Variants in CRLF3 observed in about 807,000 individuals in gnomAD.
CRLF3 encodes cytokine receptor-like factor 3.
In CRLF3, 33 loss-of-function variants were observed where a neutral mutation model predicts 55.0. The observed-to-expected ratio is 0.60, with a 90% CI of 0.46 to 0.80. The LOEUF (loss-of-function observed/expected upper bound fraction) is 0.80. Ranked by LOEUF, CRLF3 falls within the 30% of genes least tolerant of loss-of-function variation. The pLI is 0.00. For synonymous variants in CRLF3, 238 were observed against 196.8 expected (o/e 1.21, Z -1.75); for missense variants, 494 against 538.4 (o/e 0.92, Z 0.82).
rs755565448 is a variant in CRLF3 at position 30,824,512 on chromosome 17, G to A, written c.129+11C>T. On this transcript the variant is annotated intron_variant, in intron 1 of 7. Transcript: ENST00000324238. ...GGGCCCACAGCGCCCCTGTGGGTGTGGCCCTCCGACCTGCCTCCGCGCCTC... is the reference window on the plus strand; with the variant it reads ...GGGCCCACAGCGCCCCTGTGGGTGTAGCCCTCCGACCTGCCTCCGCGCCTC... 2.5e-6 allele frequency: 4 copies of A among 1,581,966 alleles called. No individual in the cohort carries two copies. Among genetic ancestry groups the A allele is most frequent in the Non-Finnish European group, 3.4e-6 (4 of 1,170,060 alleles).
intron 3 of CRLF3, among the ~76,000 whole-genome samples, chr17:30,796,741 T>C (rs971151720): frequency 7.9e-5 from 12 of 151,190 alleles, no homozygotes; most frequent in African/African-American, 9.7e-5. Flanking sequence ...TTTTTTTTTT[T>C]CAGACAGAGT....
intron 2 of CRLF3, among the ~76,000 whole-genome samples, chr17:30,798,939 A>T (rs1428731288): frequency 6.6e-6 from 1 of 152,180 alleles, no homozygotes; most frequent in Non-Finnish European, 1.5e-5. Context: ...ATATTCCTAA[A>T]GTTTCCTTCT....
chr17:30,816,254 C>T (rs1904801142), intron 1 of CRLF3, among the ~76,000 whole-genome samples: 2 of 144,040 alleles, frequency 1.4e-5, no homozygotes, highest in South Asian at 2.2e-4. Context: ...TGCACTCTAG[C>T]GTGGGTGACA....
At position 30,796,235 on chromosome 17, in the gene CRLF3, T is replaced by C. The variant is rs1293126082; in HGVS notation, c.528A>G (p.Thr176=). The change falls in exon 4 of 8, where the codon ACA becomes ACG. Residue 176 remains threonine, a synonymous_variant. Transcript: ENST00000324238. ...TCTGTACTGGTGGGCGAGATGCTAC[T>C]GTTCCATGCTTAAAAATGTGGTCTT... ...IVKDHIFKHG[T]VASRPPVQIE... The C allele has an allele frequency of 1.2e-6, 2 of 1,613,976 alleles. No individual in the cohort carries two copies. Among genetic ancestry groups the C allele is most frequent in the African/African-American group, 1.3e-5 (1 of 74,940 alleles).
intron 1 of CRLF3, among the ~76,000 whole-genome samples, chr17:30,808,352 A>G (rs1904491612): frequency 7.6e-6 from 1 of 131,962 alleles, no homozygotes; most frequent in African/African-American, 2.9e-5. Context: ...CAATGGAGCA[A>G]TCTTGGCTCA....
chr17:30,796,158 A>G lies in CRLF3; in HGVS notation c.603+2T>C. The G allele has an allele frequency of 6.3e-7, 1 of 1,596,478 alleles. No individual in the cohort carries two copies. The stretch of plus-strand genomic sequence containing the variant: ...TCATTTCTAGAATTCTGAATTACAT[A>G]CCTTACACCATCGTACAATGATGCC... On this transcript the variant is annotated splice_donor_variant, in intron 4 of 7. Transcript: ENST00000324238. LOFTEE classifies it high-confidence loss of function.
intron 2 of CRLF3, among the ~76,000 whole-genome samples, chr17:30,798,967 T>C (rs1362975422): frequency 6.6e-6 from 1 of 152,194 alleles, no homozygotes; most frequent in Admixed American, 6.5e-5. Flanking sequence ...AGATGTATAA[T>C]AATTTTTTTT....
intron 2 of CRLF3, among the ~76,000 whole-genome samples, chr17:30,801,909 C>G (rs1202901130): frequency 6.6e-6 from 1 of 151,582 alleles, no homozygotes. Flanking sequence ...GTTACTTCTG[C>G]TTGGAATCAT....
chr17:30,784,625 G>T, intron 7 of CRLF3, 182 bp from the exon 8 acceptor site: 1 of 553,196 alleles, frequency 1.8e-6, no homozygotes, highest in Admixed American at 3.3e-5. Context: ...GAGACTATGA[G>T]TTTCCCATAT....
At chr17:30,791,663 A>G (rs1460149152) in intron 6 of CRLF3, among the ~76,000 whole-genome samples, 3 of 148,882 alleles carry the variant, frequency 2.0e-5, no homozygotes, top group African/African-American at 7.5e-5. Context: ...GACCACAGAC[A>G]CCCACCACCA....
chr17:30,805,566 T>G (rs1904370909), intron 1 of CRLF3, among the ~76,000 whole-genome samples: 2 of 151,854 alleles, frequency 1.3e-5, no homozygotes, highest in African/African-American at 4.8e-5. Flanking sequence ...ACAAAAAAAT[T>G]AGCTGAGTTT....
chr17:30,792,434 A>G lies in CRLF3; in HGVS notation c.959+6T>C. 1 of 1,604,948 alleles carries G rather than the reference A, an allele frequency of 6.2e-7. No individual in the cohort carries two copies. Among genetic ancestry groups the G allele is most frequent in the Non-Finnish European group, 8.5e-7 (1 of 1,172,220 alleles). On this transcript the variant is annotated splice_donor_region_variant and intron_variant, in intron 6 of 7. Transcript: ENST00000324238. Reference sequence around the variant, plus strand: ...AGGCAGGTGAGATGTTTTAATATCTACTTGCCTGAATGTTAATGTCTGCCC... The same window carrying G: ...AGGCAGGTGAGATGTTTTAATATCTGCTTGCCTGAATGTTAATGTCTGCCC...
chr17:30,808,737 C>T (rs1904515149), intron 1 of CRLF3, among the ~76,000 whole-genome samples: 1 of 152,048 alleles, frequency 6.6e-6, no homozygotes, highest in South Asian at 2.1e-4. Flanking sequence ...GGATTACAGG[C>T]ATGCGCCACC....
chr17:30,806,179 A>T (rs1462954639), intron 1 of CRLF3, among the ~76,000 whole-genome samples: 2 of 152,052 alleles, frequency 1.3e-5, no homozygotes, highest in Admixed American at 1.3e-4. Context: ...TCCTTTTTGA[A>T]TTATAGTGCT....
chr17:30,795,975 A>T (rs1971910775), intron 4 of CRLF3, among the ~76,000 whole-genome samples, 185 bp downstream of exon 4: 1 of 152,178 alleles, frequency 6.6e-6, no homozygotes. Context: ...AATAAATAAA[A>T]TAAAAATAAA....
At chr17:30,788,599 CTTTTTTTTTTTT>C (rs1159336036) in intron 6 of CRLF3, among the ~76,000 whole-genome samples, 12 of 80,038 alleles carry the variant, frequency 1.5e-4, no homozygotes, top group South Asian at 4.6e-4. Flanking sequence ...GTAGTGCCTT[CTTTTTTTTTTTT>C]TTTTTTTTTT....
At chr17:30,791,140 G>C (rs1971790468) in intron 6 of CRLF3, among the ~76,000 whole-genome samples, 1 of 151,738 alleles carries the variant, frequency 6.6e-6, no homozygotes, top group African/African-American at 2.4e-5. Flanking sequence ...GAAGTGCAAT[G>C]GCTCACTGCA....
chr17:30,793,640 C>G lies in CRLF3; in HGVS notation c.636G>C (p.Arg212Ser). The G allele has an allele frequency of 6.2e-7, 1 of 1,613,850 alleles. No individual in the cohort carries two copies. The highest frequency in any genetic ancestry group is 8.5e-7 in the Non-Finnish European group (1 of 1,179,866). ...TTGAAGTACATTTACGAAACTGGAG[C>G]CTGTAATCTTGGGCTGTAAAGTCAT... Reference protein sequence around the residue: ...VDDDFTAQDYRLQFRKCTSNH... With the variant: ...VDDDFTAQDYSLQFRKCTSNH... The change falls in exon 5 of 8, where the codon AGG (arginine) becomes AGC (serine). Residue 212 changes from arginine (R) to serine (S), a missense_variant. Arg to Ser is a moderately radical substitution (Grantham distance 110). Coordinates refer to ENST00000324238, the MANE Select transcript of CRLF3 (RefSeq NM_015986.4).
chr17:30,805,554 A>G (rs1056600286), intron 1 of CRLF3, among the ~76,000 whole-genome samples: 11 of 151,900 alleles, frequency 7.2e-5, no homozygotes, highest in African/African-American at 2.7e-4. Flanking sequence ...TCTACTAAAA[A>G]CACAAAAAAA....
Sources: allele counts gnomAD v4.1 joint callset (sites outside exome capture counted in the v4.1 genomes callset), GRCh38; gene constraint gnomAD v4.1.1; transcripts MANE v1.5; gene names NCBI Gene and HGNC (gene_info 2026-07-23, HGNC 2026-07-21).